NYAP2: variants seen among roughly 807,000 people sequenced by gnomAD.
NYAP2 encodes the protein neuronal tyrosine-phosphorylated phosphoinositide-3-kinase adaptor 2, also known as neuronal tyrosine-phosphorylated phosphoinositide-3-kinase adapter 2.
Under a neutral mutation model 50.4 loss-of-function variants are expected in NYAP2, and 23 were observed. That is an observed-to-expected ratio of 0.46 (90% CI 0.33 to 0.65). The LOEUF is 0.65. NYAP2 is among the 30% of genes least tolerant of loss of function. The pLI, the probability that NYAP2 is intolerant of heterozygous loss-of-function variation, is 0.02. For synonymous variants in NYAP2, 394 were observed against 365.2 expected (o/e 1.08, Z -0.90); for missense variants, 885 against 861.0 (o/e 1.03, Z -0.35).
the NYAP2 span, among the ~76,000 whole-genome samples, chr2:225,694,017 G>A: frequency 1.3e-5 from 2 of 151,956 alleles, no homozygotes; most frequent in East Asian, 1.9e-4. Context: ...AATCATGCTG[G>A]TATAAAAATC....
intron 4 of NYAP2, among the ~76,000 whole-genome samples, chr2:225,526,868 T>G (rs1384608051): frequency 1.3e-5 from 2 of 152,180 alleles, no homozygotes; most frequent in Non-Finnish European, 1.5e-5. Flanking sequence ...AAGGCCCACA[T>G]TCCTGGATTT....
the NYAP2 span, among the ~76,000 whole-genome samples, chr2:225,671,674 CT>C: frequency 3.0e-3 from 450 of 151,998 alleles, 4 homozygotes; most frequent in Non-Finnish European, 3.4e-3. Flanking sequence ...TTTTAAGTTA[CT>C]TTTTTTTACC....
chr2:225,622,324 A>G (rs570436809), intron 5 of NYAP2, among the ~76,000 whole-genome samples: 1 of 151,710 alleles, frequency 6.6e-6, no homozygotes, highest in East Asian at 2.0e-4. Context: ...GAGGCATTGA[A>G]CCTGGCTCCT....
chr2:225,524,878 A>G (rs1335648009), intron 4 of NYAP2, among the ~76,000 whole-genome samples: 2 of 152,224 alleles, frequency 1.3e-5, no homozygotes, highest in Admixed American at 6.5e-5. Context: ...AAGAAACTCA[A>G]ACAACTAAAG....
At chr2:225,605,189 A>G (rs1692764603) in intron 5 of NYAP2, among the ~76,000 whole-genome samples, 1 of 152,094 alleles carries the variant, frequency 6.6e-6, no homozygotes, top group South Asian at 2.1e-4. Flanking sequence ...TCTTTTAAAG[A>G]TTGAGGCATT....
chr2:225,477,690 T>C (rs1690140410), intron 3 of NYAP2, among the ~76,000 whole-genome samples: 1 of 152,150 alleles, frequency 6.6e-6, no homozygotes, highest in Non-Finnish European at 1.5e-5. Flanking sequence ...TGTGTGCATG[T>C]TAGTTTAGAT....
At chr2:225,553,181 A>T in intron 4 of NYAP2, among the ~76,000 whole-genome samples, 1 of 152,260 alleles carries the variant, frequency 6.6e-6, no homozygotes, top group East Asian at 1.9e-4. Flanking sequence ...ATTCTGAAAC[A>T]TAAAGAAGCT....
At chr2:225,495,052 G>A (rs1034811737) in intron 3 of NYAP2, among the ~76,000 whole-genome samples, 17 of 152,030 alleles carry the variant, frequency 1.1e-4, no homozygotes, top group Admixed American at 9.8e-4. Flanking sequence ...ATAACTTTAT[G>A]CATAAAGTTT....
intron 4 of NYAP2, among the ~76,000 whole-genome samples, chr2:225,571,652 C>G (rs1692076163): frequency 6.6e-6 from 1 of 152,162 alleles, no homozygotes; most frequent in Admixed American, 6.5e-5. Flanking sequence ...GGGGCCCTGG[C>G]TCCAGCCCAT....
At chr2:225,614,666 C>A (rs1401385296) in intron 5 of NYAP2, among the ~76,000 whole-genome samples, 1 of 152,150 alleles carries the variant, frequency 6.6e-6, no homozygotes, top group Non-Finnish European at 1.5e-5. Context: ...AAAACATTTT[C>A]TTCATTAGAA....
downstream of NYAP2, among the ~76,000 whole-genome samples, chr2:225,655,184 A>T (rs1385957423): frequency 1.3e-5 from 2 of 152,252 alleles, no homozygotes; most frequent in African/African-American, 4.8e-5. Context: ...ATTTGACTGG[A>T]ACTTCAAAAT....
rs1201169650 is a variant in NYAP2, at chr2:225,468,178, CAAGTT to C, written c.222-45189_222-45185del. Among the ~76,000 whole-genome samples, 6 of 152,212 alleles carry C rather than the reference CAAGTT, an allele frequency of 3.9e-5. No homozygotes were observed. The East Asian group carries it at 1.2e-3, about 29-fold the overall frequency. The stretch of plus-strand genomic sequence containing the variant: ...GAAATAAAGTCTTTGTAGATGTAGT[CAAGTT>C]AAGATGAGATCATGCTGGATTAGGT... On this transcript the variant is annotated intron_variant, in intron 3 of 6. Transcript: ENST00000636099.
At position 225,573,551 on chromosome 2, in the gene NYAP2, CA is replaced by C. The variant is rs1339117065; in HGVS notation, c.524-8386del. ...AGGTGTGAGCCACCACGCCTGGCCC[CA>C]AAATTTTATTATTTCTTGTTGTTCT... On this transcript the variant is annotated intron_variant, in intron 4 of 6. Transcript: ENST00000636099. Among the ~76,000 whole-genome samples the C allele has an allele frequency of 2.6e-5, 4 of 151,540 alleles. No individual in the cohort carries two copies. The East Asian group carries it at 7.7e-4, about 29-fold the overall frequency.
At chr2:225,398,251 T>A (rs926763000), upstream of NYAP2, among the ~76,000 whole-genome samples, 12 of 152,010 alleles carry the variant, frequency 7.9e-5, no homozygotes, top group African/African-American at 2.9e-4. Flanking sequence ...ATGAGGCAAT[T>A]AAGTAAGTCA....
chr2:225,563,938 A>G (rs1446503669), intron 4 of NYAP2, among the ~76,000 whole-genome samples: 2 of 152,078 alleles, frequency 1.3e-5, no homozygotes, highest in African/African-American at 4.8e-5. Context: ...TAATCTGTGG[A>G]CTGTAATCTG....
At chr2:225,619,664 T>C (rs1456747784) in intron 5 of NYAP2, among the ~76,000 whole-genome samples, 3 of 151,952 alleles carry the variant, frequency 2.0e-5, no homozygotes, top group Admixed American at 1.3e-4. Context: ...GAGACAGAAG[T>C]AGACCCACAG....
intron 3 of NYAP2, among the ~76,000 whole-genome samples, chr2:225,422,398 T>C (rs1695229465): frequency 1.3e-5 from 2 of 152,092 alleles, no homozygotes; most frequent in African/African-American, 4.8e-5. Context: ...GCCAGTCAAA[T>C]CACAAATACC....
intron 6 of NYAP2, among the ~76,000 whole-genome samples, chr2:225,645,687 G>A (rs1284781792): frequency 6.6e-6 from 1 of 152,096 alleles, no homozygotes; most frequent in African/African-American, 2.4e-5. Flanking sequence ...TCTCAATTAG[G>A]ATTTCCTTGG....
At chr2:225,575,841 AC>A (rs1362950550) in intron 4 of NYAP2, among the ~76,000 whole-genome samples, 9 of 152,200 alleles carry the variant, frequency 5.9e-5, no homozygotes, top group African/African-American at 1.9e-4. Context: ...CTTGATCATG[AC>A]CTATAAGAAA....
Sources: gnomAD v4.1 joint callset for allele counts (sites outside exome capture counted in the v4.1 genomes callset) on GRCh38, gnomAD v4.1.1 for gene constraint, MANE v1.5 for transcripts, NCBI Gene and HGNC (gene_info 2026-07-23, HGNC 2026-07-21) for gene names.